Variants in TAMM41 observed in about 807,000 individuals in gnomAD.
TAMM41 encodes the protein phosphatidate cytidylyltransferase, mitochondrial.
TAMM41 carries 36 observed loss-of-function variants against 44.1 expected under a neutral mutation model. That is an observed-to-expected ratio of 0.82 (90% confidence interval 0.63 to 1.08). TAMM41 has a LOEUF of 1.08. TAMM41 is among the 50% of genes least tolerant of loss of function. The probability of loss-of-function intolerance (pLI) is 0.00; values close to 1 mark genes in which losing one functional copy is unlikely to be tolerated. For synonymous variants in TAMM41, 164 were observed against 153.1 expected, an observed-to-expected ratio of 1.07 and a Z score of -0.53; for missense variants, 417 against 404.3, an observed-to-expected ratio of 1.03 and a Z score of -0.27.
the TAMM41 span, among the ~76,000 whole-genome samples, chr3:11,762,617 T>A: frequency 6.6e-6 from 1 of 152,326 alleles, no homozygotes; most frequent in Non-Finnish European, 1.5e-5. Flanking sequence ...TCCCCCTAAA[T>A]CTAGCACAGT....
At chr3:11,819,334 A>T (rs1161171170) in intron 4 of TAMM41, among the ~76,000 whole-genome samples, 1 of 152,234 alleles carries the variant, frequency 6.6e-6, no homozygotes, top group Non-Finnish European at 1.5e-5. Flanking sequence ...CTCTCCTCTC[A>T]GGTAGATAGG....
downstream of TAMM41, among the ~76,000 whole-genome samples, chr3:11,786,297 T>TATC (rs2077417323): frequency 2.0e-5 from 3 of 146,772 alleles, no homozygotes; most frequent in South Asian, 6.3e-4. Flanking sequence ...TTATTATTAT[T>TATC]ATTATTATTA....
chr3:11,842,769 A>G (rs765368356), intron 2 of TAMM41, among the ~76,000 whole-genome samples: 2 of 152,144 alleles, frequency 1.3e-5, no homozygotes, highest in Non-Finnish European at 2.9e-5. Context: ...TCTGCACTGA[A>G]ATGGGATCTC....
chr3:11,733,605 G>A, the TAMM41 span, among the ~76,000 whole-genome samples: 7 of 151,648 alleles, frequency 4.6e-5, no homozygotes, highest in Non-Finnish European at 8.8e-5. Context: ...CCATTCTCCT[G>A]CCTCAGCCTC....
In TAMM41 at chr3:11,828,373, T is replaced by C. The variant is rs76903568; in HGVS notation, c.562+1341A>G. On this transcript the variant is annotated intron_variant, in intron 4 of 7. Transcript: ENST00000455809. ...TAAATTTCCTTAGTAATATTCAGAA[T>C]TTAGAAGGAACTCCCAGAATCCATC... Among the ~76,000 whole-genome samples the C allele has an allele frequency of 5.4e-3, 816 of 152,272 alleles. 4 individuals are homozygous for C. The highest frequency in any genetic ancestry group is 0.019 in the African/African-American group (774 of 41,544).
chr3:11,833,886 T>C (rs1230010097), intron 3 of TAMM41, among the ~76,000 whole-genome samples: 1 of 152,182 alleles, frequency 6.6e-6, no homozygotes, highest in Non-Finnish European at 1.5e-5. Flanking sequence ...GTAAAAATCA[T>C]TGAATTGTAC....
rs73130893 is a variant in TAMM41, at chr3:11,797,250, T to A, written c.938-6669A>T. Among the ~76,000 whole-genome samples the A allele has an allele frequency of 3.5e-3, 539 of 152,220 alleles. 3 individuals carry two copies. Among genetic ancestry groups the A allele is most frequent in the African/African-American group, 0.013 (522 of 41,528 alleles). On this transcript the variant is annotated intron_variant, in intron 7 of 7. Transcript: ENST00000455809. ...ATGCTACCCGACTTCAAACTATAAA[T>A]ACAGGGCTACAGTAACCAAAACAGC...
the TAMM41 span, among the ~76,000 whole-genome samples, chr3:11,761,946 C>CAAAAAA: frequency 6.7e-5 from 5 of 75,024 alleles, no homozygotes; most frequent in African/African-American, 1.3e-4. Flanking sequence ...GACTCTGTCT[C>CAAAAAA]AAAAAAAAAA....
At chr3:11,766,203 T>C in the TAMM41 span, among the ~76,000 whole-genome samples, 2 of 151,964 alleles carry the variant, frequency 1.3e-5, no homozygotes, top group East Asian at 3.9e-4. Context: ...CTAACTATGT[T>C]ACACAGGCTG....
the TAMM41 span, among the ~76,000 whole-genome samples, chr3:11,760,260 T>C: frequency 1.3e-5 from 2 of 152,204 alleles, no homozygotes; most frequent in Admixed American, 6.5e-5. Flanking sequence ...CCAGTTAGAC[T>C]AATATTCAGG....
the TAMM41 span, among the ~76,000 whole-genome samples, chr3:11,771,600 A>C: frequency 6.6e-6 from 1 of 152,062 alleles, no homozygotes; most frequent in African/African-American, 2.4e-5. Context: ...TTTATTTTTG[A>C]GACAGAGTTT....
chr3:11,777,008 T>C, the TAMM41 span, among the ~76,000 whole-genome samples: 22 of 152,198 alleles, frequency 1.4e-4, no homozygotes, highest in Non-Finnish European at 2.2e-4. Flanking sequence ...AATGGGAAGA[T>C]TTTGGTGAAA....
intron 3 of TAMM41, chr3:11,833,237 T>C: frequency 1.9e-6 from 2 of 1,057,232 alleles, no homozygotes; most frequent in Non-Finnish European, 2.4e-6. Flanking sequence ...ATAGATAACA[T>C]TAGCACGACT....
chr3:11,727,804 T>G, the TAMM41 span, among the ~76,000 whole-genome samples: 2 of 144,184 alleles, frequency 1.4e-5, no homozygotes, highest in African/African-American at 5.3e-5. Flanking sequence ...TTTTTTTTTT[T>G]GAGACAGAGT....
chr3:11,746,028 C>T, the TAMM41 span, among the ~76,000 whole-genome samples: 7 of 152,198 alleles, frequency 4.6e-5, no homozygotes, highest in African/African-American at 9.6e-5. Context: ...AGGCCGGGCG[C>T]GGTCGCTCAC....
intron 1 of TAMM41, among the ~76,000 whole-genome samples, chr3:11,845,595 A>G: frequency 6.6e-6 from 1 of 152,318 alleles, no homozygotes; most frequent in East Asian, 1.9e-4. Flanking sequence ...ACTAGCCTAT[A>G]ATAACCTATA....
Position 11,817,286 on chromosome 3 carries a change from A to G in TAMM41, c.614T>C (p.Val205Ala), listed in dbSNP as rs763976523. 6.2e-7 allele frequency: 1 copy of G among 1,613,150 alleles called. No individual in the cohort carries two copies. Among genetic ancestry groups the G allele is most frequent in the Non-Finnish European group, 8.5e-7 (1 of 1,179,190 alleles). ...GEDKTKVLNI[V>A]KPNIAHFREL... The stretch of plus-strand genomic sequence containing the variant: ...TCGAAAGTGGGCTATATTGGGCTTC[A>G]CAATATTCAACACTTTTGTTTTATC... The change falls in exon 5 of 8, where the codon GTG (valine) becomes GCG (alanine). Residue 205 changes from valine (V) to alanine (A), a missense_variant. Physicochemically the swap from Val to Ala is moderately conservative, Grantham distance 64. Coordinates refer to ENST00000455809, the MANE Select transcript of TAMM41 (RefSeq NM_001284401.2).
chr3:11,740,281 T>C, the TAMM41 span, among the ~76,000 whole-genome samples: 1 of 152,138 alleles, frequency 6.6e-6, no homozygotes, highest in African/African-American at 2.4e-5. Flanking sequence ...ATCCCTAGTG[T>C]TTTCTGGCTT....
the TAMM41 span, among the ~76,000 whole-genome samples, chr3:11,784,828 A>T: frequency 2.5e-5 from 3 of 119,396 alleles, no homozygotes; most frequent in African/African-American, 1.0e-4. Flanking sequence ...GAGGAGGAGG[A>T]GTCTCGCTCT....
Sources: allele counts gnomAD v4.1 joint callset (sites outside exome capture counted in the v4.1 genomes callset), GRCh38; gene constraint gnomAD v4.1.1; transcripts MANE v1.5; gene names NCBI Gene and HGNC (gene_info 2026-07-23, HGNC 2026-07-21).